LYPD6: variants seen among roughly 807,000 people sequenced by gnomAD.
The protein encoded by LYPD6 is ly6/PLAUR domain-containing protein 6.
Under a neutral mutation model 22.7 loss-of-function variants are expected in LYPD6, and 15 were observed. The ratio of observed to expected loss-of-function variants is 0.66; its 90% CI spans 0.44 to 1.02. The LOEUF (loss-of-function observed/expected upper bound fraction) is 1.02. LYPD6 is among the 50% of genes least tolerant of loss of function. The pLI is 0.00. For synonymous variants in LYPD6, 72 were observed against 77.5 expected (o/e 0.93, Z 0.37); for missense variants, 189 against 208.4 (o/e 0.91, Z 0.57).
chr2:149,335,663 C>CCACT (rs1337578220), intron 1 of LYPD6, among the ~76,000 whole-genome samples: 1 of 152,160 alleles, frequency 6.6e-6, no homozygotes, highest in Non-Finnish European at 1.5e-5. Context: ...CACTCACTTG[C>CCACT]CACTCACTCA....
downstream of LYPD6, among the ~76,000 whole-genome samples, chr2:149,477,754 G>A (rs201976918): frequency 1.9e-4 from 29 of 151,730 alleles, no homozygotes; most frequent in East Asian, 5.3e-3. Flanking sequence ...CAGAGTATAA[G>A]TCTGGCTTCT....
At chr2:149,356,776 T>G (rs1477854998) in intron 1 of LYPD6, among the ~76,000 whole-genome samples, 1 of 152,170 alleles carries the variant, frequency 6.6e-6, no homozygotes, top group Non-Finnish European at 1.5e-5. Flanking sequence ...GGCTAAATGT[T>G]TTTTCAGGAT....
intron 1 of LYPD6, among the ~76,000 whole-genome samples, chr2:149,416,713 G>A (rs1042534208): frequency 2.6e-5 from 4 of 152,166 alleles, no homozygotes; most frequent in Non-Finnish European, 5.9e-5. Flanking sequence ...TCTTGGTTTT[G>A]GGGCCCATGC....
chr2:149,409,856 A>C (rs1336628952), intron 1 of LYPD6, among the ~76,000 whole-genome samples: 1 of 152,144 alleles, frequency 6.6e-6, no homozygotes, highest in Non-Finnish European at 1.5e-5. Context: ...ACCATGAGCC[A>C]TCGAGAAAAG....
At chr2:149,410,006 C>T (rs1682817768) in intron 1 of LYPD6, among the ~76,000 whole-genome samples, 1 of 152,314 alleles carries the variant, frequency 6.6e-6, no homozygotes, top group Non-Finnish European at 1.5e-5. Context: ...TGATGTGCAT[C>T]TCCACACACT....
At chr2:149,468,852 C>A in intron 4 of LYPD6, 77 bp downstream of exon 4, 2 of 1,458,924 alleles carry the variant, frequency 1.4e-6, no homozygotes, top group Non-Finnish European at 9.4e-7. Flanking sequence ...TACTCATGAG[C>A]AGATTCTTAC....
chr2:149,471,087 A>G lies in LYPD6; in HGVS notation c.*237A>G, dbSNP rs943052298. ...CAGTACAGCCCAAGTTCCATACCAT[A>G]AACGTTTGTTTTCATTCCAAGAAGT... On this transcript the variant is annotated 3_prime_UTR_variant, in exon 5 of 5. Transcript: ENST00000334166. 2 of 390,030 alleles carry G rather than the reference A, an allele frequency of 5.1e-6. No homozygotes were observed. The highest frequency in any genetic ancestry group is 4.0e-5 in the African/African-American group (2 of 49,872). 24.2% of individuals were successfully genotyped at this position (390,030 alleles called of 1,614,324 possible).
downstream of LYPD6, among the ~76,000 whole-genome samples, chr2:149,476,374 A>G (rs1681450260): frequency 6.6e-6 from 1 of 152,180 alleles, no homozygotes; most frequent in South Asian, 2.1e-4. Flanking sequence ...GTCATGGCCT[A>G]AAAAGGTAGA....
intron 1 of LYPD6, among the ~76,000 whole-genome samples, chr2:149,434,790 C>T (rs1472469232): frequency 1.3e-5 from 2 of 152,124 alleles, no homozygotes; most frequent in Admixed American, 1.3e-4. Flanking sequence ...CTGAGGAGCT[C>T]ATGGTCCTAT....
At chr2:149,437,944 G>A (rs1683472746) in intron 2 of LYPD6, 118 bp downstream of exon 2, 1 of 1,077,814 alleles carries the variant, frequency 9.3e-7, no homozygotes, top group Non-Finnish European at 1.4e-6. Flanking sequence ...ATTTAACTGG[G>A]GTGGTGCGGT....
chr2:149,374,823 C>A (rs202109335), intron 1 of LYPD6, among the ~76,000 whole-genome samples: 2 of 152,108 alleles, frequency 1.3e-5, no homozygotes, highest in African/African-American at 4.8e-5. Context: ...CATATTTATG[C>A]AATATGATAT....
At chr2:149,356,883 A>C (rs951120282) in intron 1 of LYPD6, among the ~76,000 whole-genome samples, 3 of 152,206 alleles carry the variant, frequency 2.0e-5, no homozygotes, top group African/African-American at 7.2e-5. Flanking sequence ...TAGATAAAGC[A>C]ATTTTGATTT....
intron 1 of LYPD6, among the ~76,000 whole-genome samples, chr2:149,366,554 A>AG (rs1262415027): frequency 6.6e-6 from 1 of 152,206 alleles, no homozygotes; most frequent in Non-Finnish European, 1.5e-5. Context: ...AAAAAGAACA[A>AG]GGATGGCAAG....
chr2:149,339,245 A>G (rs1031864978), intron 1 of LYPD6, among the ~76,000 whole-genome samples: 1 of 152,196 alleles, frequency 6.6e-6, no homozygotes, highest in Non-Finnish European at 1.5e-5. Context: ...CCTGCTTGCC[A>G]TCAGGTGCTT....
chr2:149,464,051 A>G (rs1681145772), intron 3 of LYPD6: 2 of 395,206 alleles, frequency 5.1e-6, no homozygotes, highest in Admixed American at 4.0e-5. Flanking sequence ...AGGATCTCCT[A>G]TTATTAATAT....
intron 4 of LYPD6, among the ~76,000 whole-genome samples, chr2:149,470,303 GA>G (rs143959793): frequency 0.029 from 4,359 of 152,240 alleles, 111 homozygotes; most frequent in African/African-American, 0.067. Context: ...CTTGGCAAAC[GA>G]AGGCTTACCC....
chr2:149,452,790 G>A (rs923444029), intron 3 of LYPD6, among the ~76,000 whole-genome samples: 1 of 152,208 alleles, frequency 6.6e-6, no homozygotes, highest in African/African-American at 2.4e-5. Context: ...CAGGGATTCA[G>A]ACTTGTTTTG....
intron 1 of LYPD6, among the ~76,000 whole-genome samples, chr2:149,424,874 C>G (rs779788498): frequency 1.3e-5 from 2 of 152,148 alleles, no homozygotes; most frequent in Non-Finnish European, 2.9e-5. Flanking sequence ...GGAGCTCCCA[C>G]TTTACTTCCT....
chr2:149,394,541 T>G (rs1311277120), intron 1 of LYPD6, among the ~76,000 whole-genome samples: 1 of 152,136 alleles, frequency 6.6e-6, no homozygotes, highest in Non-Finnish European at 1.5e-5. Context: ...ATAAAATTTG[T>G]TTTTTTGATC....
Sources: gnomAD v4.1 joint callset for allele counts (sites outside exome capture counted in the v4.1 genomes callset) on GRCh38, gnomAD v4.1.1 for gene constraint, MANE v1.5 for transcripts, NCBI Gene and HGNC (gene_info 2026-07-23, HGNC 2026-07-21) for gene names.